TDRP: variants seen among roughly 807,000 people sequenced by gnomAD.
The protein encoded by TDRP is testis development-related protein.
TDRP carries 12 observed loss-of-function variants against 10.5 expected under a neutral mutation model. The ratio of observed to expected loss-of-function variants is 1.15; its 90% confidence interval spans 0.73 to 1.86. The LOEUF (loss-of-function observed/expected upper bound fraction) is 1.86, where lower values mean the gene tolerates loss of function less well. TDRP is among the 40% of genes most tolerant of loss of function. The pLI, the probability that TDRP is intolerant of heterozygous loss-of-function variation, is 0.00. For missense variants in TDRP, 353 were observed against 229.2 expected (o/e 1.54, Z -3.49); for synonymous variants, 139 against 95.4 (o/e 1.46, Z -2.67).
chr8:509,202 C>G (rs538042040), intron 1 of TDRP, among the ~76,000 whole-genome samples: 5 of 152,162 alleles, frequency 3.3e-5, no homozygotes, highest in African/African-American at 1.2e-4. Flanking sequence ...TGCAAACTGT[C>G]GGTGGATCTA....
In TDRP at chr8:544,743, G is replaced by A. The variant is rs983966233; in HGVS notation, c.15C>T (p.Gly5=). The A allele has an allele frequency of 4.0e-6, 5 of 1,239,604 alleles. No homozygotes were observed. The African/African-American group carries it at 6.2e-5, about 15-fold the overall frequency. The allele number at this position is 1,239,604 out of a possible 1,614,324, so 76.8% of individuals were successfully genotyped here. The change falls in exon 1 of 3, where the codon GGC becomes GGT. Residue 5 remains glycine (G), a synonymous_variant. Transcript: ENST00000324079. ...GCTCGTCCAGCAGCACTCGGCCCCG[G>A]CCCAGCTTCCACATGGTCAGGCGGG... MWKL[G]RGRVLLDEPP...
chr8:501,915 T>A (rs1801314157), intron 1 of TDRP, among the ~76,000 whole-genome samples: 1 of 152,016 alleles, frequency 6.6e-6, no homozygotes, highest in Non-Finnish European at 1.5e-5. Flanking sequence ...TGACCCACCC[T>A]CTCCAAAGCC....
chr8:544,723 T>A lies in TDRP; in HGVS notation c.35A>T (p.Asp12Val). ...WKLGRGRVLL[D>V]EPPEEEDGLR... The stretch of plus-strand genomic sequence containing the variant: ...GCCGTCCTCCTCCTCGGGGGGCTCG[T>A]CCAGCAGCACTCGGCCCCGGCCCAG... Residue 12 changes from aspartate to valine, a missense_variant, in exon 1 of 3, where the codon GAC (aspartate) becomes GTC (valine). Asp to Val is a radical substitution (Grantham distance 152). Transcript: ENST00000324079. 3 of 1,243,618 alleles carry A rather than the reference T, an allele frequency of 2.4e-6. No homozygotes were observed. The highest frequency in any genetic ancestry group is 3.0e-6 in the Non-Finnish European group (3 of 993,392). 77.0% of individuals were successfully genotyped at this position (1,243,618 alleles called of 1,614,324 possible).
intron 1 of TDRP, among the ~76,000 whole-genome samples, chr8:513,790 T>A (rs561160602): frequency 1.3e-3 from 196 of 152,104 alleles, no homozygotes; most frequent in African/African-American, 4.5e-3. Context: ...AATAAAAGAG[T>A]TCAACACAGT....
At chr8:510,992 C>T (rs756657641) in intron 1 of TDRP, among the ~76,000 whole-genome samples, 8 of 152,118 alleles carry the variant, frequency 5.3e-5, no homozygotes, top group East Asian at 3.9e-4. Context: ...GCTAAGAAAT[C>T]GGCTACAGAT....
Position 492,262 on chromosome 8 carries a change from A to C in TDRP, c.*137T>G, listed in dbSNP as rs1800998045. The C allele has an allele frequency of 7.5e-7, 1 of 1,334,534 alleles. No homozygotes were observed. The highest frequency in any genetic ancestry group is 2.5e-5 in the South Asian group (1 of 39,226). The allele number at this position is 1,334,534 out of a possible 1,614,324, so 82.7% of individuals were successfully genotyped here. On this transcript the variant is annotated 3_prime_UTR_variant, in exon 3 of 3. Coordinates refer to ENST00000324079, the MANE Select transcript of TDRP (RefSeq NM_001384899.1). ...AGTGTGTGTGAGAGTTCATTAAATAAAGAAACAGAGGTCCAAATATCAAAT... is the reference window on the plus strand; with the variant it reads ...AGTGTGTGTGAGAGTTCATTAAATACAGAAACAGAGGTCCAAATATCAAAT...
At chr8:544,608 G>T in intron 1 of TDRP, 42 bp downstream of exon 1, 1 of 1,200,164 alleles carries the variant, frequency 8.3e-7, no homozygotes, top group Non-Finnish European at 1.0e-6. Flanking sequence ...CCACCTGCGC[G>T]CCCCCGGCCT....
intron 1 of TDRP, among the ~76,000 whole-genome samples, chr8:496,721 C>A (rs1043625891): frequency 2.0e-5 from 3 of 152,216 alleles, no homozygotes; most frequent in Non-Finnish European, 4.4e-5. Context: ...TACGGTGTGG[C>A]TCTGTGTCCC....
At chr8:542,857 C>CAAA (rs34967419) in intron 1 of TDRP, among the ~76,000 whole-genome samples, 85 of 105,720 alleles carry the variant, frequency 8.0e-4, no homozygotes, top group African/African-American at 3.1e-3. Context: ...AACTTCATCT[C>CAAA]AAAAAAAAAA....
intron 1 of TDRP, among the ~76,000 whole-genome samples, chr8:509,147 T>C (rs757306517): frequency 2.0e-5 from 3 of 152,236 alleles, no homozygotes; most frequent in Non-Finnish European, 2.9e-5. Flanking sequence ...CGCCAGCTGC[T>C]TTCATGGCTG....
chr8:491,771 C>A lies in TDRP; in HGVS notation c.*628G>T. 1 of 1,382,576 alleles carries A rather than the reference C, an allele frequency of 7.2e-7. No individual in the cohort carries two copies. The highest frequency in any genetic ancestry group is 9.3e-7 in the Non-Finnish European group (1 of 1,076,830). The allele number at this position is 1,382,576 out of a possible 1,614,324, so 85.6% of individuals were successfully genotyped here. A position where few individuals can be genotyped will look rare whatever the true frequency, so the allele number is the denominator to read the frequency against. ...AAATTCCAAAAAAGAACCACTGTTA[C>A]TATCCAGTGGACATACAAGAAGCTA... is the stretch of plus-strand genomic sequence containing the variant. On this transcript the variant is annotated 3_prime_UTR_variant, in exon 3 of 3. Transcript: ENST00000324079.
chr8:491,651 T>C lies in TDRP; in HGVS notation c.*748A>G, dbSNP rs1477969356. Reference sequence around the variant, plus strand: ...AAATGAAATTATCAACTGACTAAAATTGATCCATACTTCTTTAATCTGTAA... The same window carrying C: ...AAATGAAATTATCAACTGACTAAAACTGATCCATACTTCTTTAATCTGTAA... On this transcript the variant is annotated 3_prime_UTR_variant, in exon 3 of 3. Coordinates refer to ENST00000324079, the MANE Select transcript of TDRP (RefSeq NM_001384899.1). 6.5e-7 allele frequency: 1 copy of C among 1,531,218 alleles called. No individual in the cohort carries two copies. Among genetic ancestry groups the C allele is most frequent in the Non-Finnish European group, 8.7e-7 (1 of 1,145,418 alleles). 94.9% of individuals were successfully genotyped at this position (1,531,218 alleles called of 1,614,324 possible). A position where few individuals can be genotyped will look rare whatever the true frequency, so the allele number is the denominator to read the frequency against.
At chr8:496,761 C>G (rs188759202) in intron 1 of TDRP, among the ~76,000 whole-genome samples, 6 of 152,298 alleles carry the variant, frequency 3.9e-5, no homozygotes, top group Middle Eastern at 3.4e-3. Context: ...ACCATAATCC[C>G]CATGTGTCAG....
At chr8:516,635 G>T (rs761795228) in intron 1 of TDRP, among the ~76,000 whole-genome samples, 3 of 152,130 alleles carry the variant, frequency 2.0e-5, no homozygotes, top group Non-Finnish European at 4.4e-5. Context: ...GGAGCAGCAG[G>T]AACTCTCGTT....
intron 1 of TDRP, among the ~76,000 whole-genome samples, chr8:533,904 G>C (rs1802276976): frequency 6.6e-6 from 1 of 151,948 alleles, no homozygotes. Context: ...TTTAATACAA[G>C]AAACTCTTTA....
intron 1 of TDRP, among the ~76,000 whole-genome samples, chr8:521,244 TCCAAA>T (rs1269598700): frequency 8.1e-5 from 6 of 74,532 alleles, no homozygotes; most frequent in South Asian, 5.2e-4. Context: ...CTACTAAAAA[TCCAAA>T]AAAAAAAAAA....
chr8:500,479 C>G (rs1801260241), intron 1 of TDRP, among the ~76,000 whole-genome samples: 1 of 152,148 alleles, frequency 6.6e-6, no homozygotes, highest in Admixed American at 6.5e-5. Context: ...CTGAACCTGC[C>G]AATCTTCACC....
rs192428787 is a variant in TDRP, at chr8:502,445, T to A, written c.109-7848A>T. On this transcript the variant is annotated intron_variant, in intron 1 of 2. Coordinates refer to ENST00000324079, the MANE Select transcript of TDRP (RefSeq NM_001384899.1). ...AGGGTGTGGTGGGGCTAGGCGGCCATAGCGAGACCAGGCTCCCACCAGAGG... is the reference window on the plus strand; with the variant it reads ...AGGGTGTGGTGGGGCTAGGCGGCCAAAGCGAGACCAGGCTCCCACCAGAGG... Among the ~76,000 whole-genome samples, 55 of 152,276 alleles carry A rather than the reference T, an allele frequency of 3.6e-4. 1 individual carries two copies. The highest frequency in any genetic ancestry group is 6.8e-3 in the Middle Eastern group (2 of 294).
At chr8:518,176 G>A (rs756761447) in intron 1 of TDRP, among the ~76,000 whole-genome samples, 1 of 152,186 alleles carries the variant, frequency 6.6e-6, no homozygotes. Flanking sequence ...CCGCTCTGGA[G>A]AGGGATGTTG....
Sources: allele counts gnomAD v4.1 joint callset (sites outside exome capture counted in the v4.1 genomes callset), GRCh38; gene constraint gnomAD v4.1.1; transcripts MANE v1.5; gene names NCBI Gene and HGNC (gene_info 2026-07-23, HGNC 2026-07-21).